Variants in DHX37 observed in about 807,000 individuals in gnomAD.
DHX37 encodes probable ATP-dependent RNA helicase DHX37.
DHX37 carries 52 observed loss-of-function variants against 134.3 expected under a neutral mutation model. That is an observed-to-expected ratio of 0.39 (90% CI 0.31 to 0.49). The LOEUF (loss-of-function observed/expected upper bound fraction) is 0.49, where lower values mean the gene tolerates loss of function less well. Among genes scored for constraint, DHX37 ranks in the 20% least tolerant of loss-of-function variants. DHX37 has a pLI of 0.93. For missense variants in DHX37, 1,344 were observed against 1,580.8 expected (o/e 0.85, Z 2.54); for synonymous variants, 634 against 670.7 (o/e 0.95, Z 0.85).
At position 124,952,427 on chromosome 12, in the gene DHX37, G is replaced by C. The variant is rs767211430; in HGVS notation, c.2839C>G (p.Leu947Val). ...TAGGCGTTCCTCCACTTGTCCTCCA[G>C]CATCTCCTCGCTCTGGACCCTGCGG... ...LARRVQSEEM[L>V]EDKWRNAYKT... Residue 947 changes from leucine to valine, a missense_variant, in exon 21 of 27, where the codon CTG becomes GTG. This residue lies in a region of DHX37 where 558 missense variants were observed against 650.0 expected (regional missense o/e 0.86). Coordinates refer to ENST00000308736, the MANE Select transcript of DHX37 (RefSeq NM_032656.4). 1 of 1,610,560 alleles carries C rather than the reference G, an allele frequency of 6.2e-7. No individual in the cohort carries two copies. The highest frequency in any genetic ancestry group is 1.3e-5 in the African/African-American group (1 of 74,884).
chr12:124,966,432 C>G (rs998277344), intron 12 of DHX37, among the ~76,000 whole-genome samples: 4 of 152,174 alleles, frequency 2.6e-5, no homozygotes, highest in Non-Finnish European at 4.4e-5. Context: ...GGGACCATCA[C>G]AGCTCATTGC....
chr12:124,948,056 C>T lies in DHX37; in HGVS notation c.3388+28G>A, dbSNP rs73419476. On this transcript the variant is annotated intron_variant, in intron 26 of 26. Coordinates refer to ENST00000308736, the MANE Select transcript of DHX37 (RefSeq NM_032656.4). The stretch of plus-strand genomic sequence containing the variant: ...CCTCAGTGACCCCATCCTGTCTACT[C>T]CCACCCCCTGGCCCTGGTCAAACTC... 8.2e-3 allele frequency: 13,260 copies of T among 1,614,210 alleles called. 984 individuals are homozygous for T. In the African/African-American group the frequency reaches 0.16, roughly 19 times the overall value.
In DHX37 at chr12:124,989,082, G is replaced by A; in HGVS notation, c.-60C>T. The A allele has an allele frequency of 8.6e-7, 1 of 1,161,922 alleles. No homozygotes were observed. The highest frequency in any genetic ancestry group is 1.1e-6 in the Non-Finnish European group (1 of 906,116). The allele number at this position is 1,161,922 out of a possible 1,614,324, so 72.0% of individuals were successfully genotyped here. On this transcript the variant is annotated 5_prime_UTR_variant, in exon 1 of 27. Transcript: ENST00000308736. Reference sequence around the variant, plus strand: ...GACCAGCAGAGCAATCCGAAACCCAGCCCACGTGGGTTCCCAGACCACCAA... The same window carrying A: ...GACCAGCAGAGCAATCCGAAACCCAACCCACGTGGGTTCCCAGACCACCAA...
Position 124,986,256 on chromosome 12 carries a change from G to T in DHX37, c.116C>A (p.Thr39Lys). 1.2e-6 allele frequency: 2 copies of T among 1,613,626 alleles called. No homozygotes were observed. The highest frequency in any genetic ancestry group is 1.7e-6 in the Non-Finnish European group (2 of 1,179,956). ...GTTGCTTGCATCAACTCCCTTCAAC[G>T]TGTCCTTGTCTGAGAGAGCACAGTT... Reference protein sequence around the residue: ...PVQLELEDKDTLKGVDASNAL... With the variant: ...PVQLELEDKDKLKGVDASNAL... The change falls in exon 2 of 27, where the codon ACG (threonine) becomes AAG (lysine). Residue 39 changes from threonine (T) to lysine (K), a missense_variant. Thr to Lys is a moderately conservative substitution (Grantham distance 78, BLOSUM62 -1). Around this residue, in one of 7 missense-constraint regions of DHX37, gnomAD observed 319 missense variants for 296.1 expected, o/e 1.08. Transcript: ENST00000308736.
At chr12:124,961,228 GCA>G (rs1206361874) in intron 15 of DHX37, among the ~76,000 whole-genome samples, 25 of 102,618 alleles carry the variant, frequency 2.4e-4, no homozygotes, top group South Asian at 8.4e-4. Flanking sequence ...GCACACGCAC[GCA>G]CACACACATA....
At chr12:124,972,703 C>A in intron 6 of DHX37, 104 bp from the exon 7 acceptor site, 1 of 1,104,000 alleles carries the variant, frequency 9.1e-7, no homozygotes, top group Non-Finnish European at 1.4e-6. Context: ...GGCTTGAGGG[C>A]AGGGCCCGCT....
Position 124,980,471 on chromosome 12 carries a change from C to T in DHX37, c.738+19G>A, listed in dbSNP as rs1208590857. The T allele has an allele frequency of 6.2e-7, 1 of 1,602,114 alleles. No homozygotes were observed. Among genetic ancestry groups the T allele is most frequent in the East Asian group, 2.2e-5 (1 of 44,676 alleles). Reference sequence around the variant, plus strand: ...GCCCGCTAACCTAGATTCTTAATCACAAACACGGGGTGGCGAACCTGCATT... The same window carrying T: ...GCCCGCTAACCTAGATTCTTAATCATAAACACGGGGTGGCGAACCTGCATT... On this transcript the variant is annotated intron_variant, in intron 4 of 26. Transcript: ENST00000308736. The surrounding 1 kb of genome is among the most constrained non-coding windows in gnomAD (Gnocchi z 5.3).
Position 124,988,931 on chromosome 12 carries a change from T to G in DHX37, c.92A>C (p.Gln31Pro). 1 of 1,334,768 alleles carries G rather than the reference T, an allele frequency of 7.5e-7. No individual in the cohort carries two copies. The highest frequency in any genetic ancestry group is 9.7e-7 in the Non-Finnish European group (1 of 1,032,686). 82.7% of individuals were successfully genotyped at this position (1,334,768 alleles called of 1,614,324 possible). The stretch of plus-strand genomic sequence containing the variant: ...GGATGTCTTACCCTCCAGTTCCAGC[T>G]GCACGGGGGGCGGCTCGGGGGGGCC... Reference protein sequence around the residue: ...SKGPPEPPPVQLELEDKDTLK... With the variant: ...SKGPPEPPPVPLELEDKDTLK... The change falls in exon 1 of 27, where the codon CAG becomes CCG. Residue 31 changes from glutamine (Q) to proline (P), a missense_variant. This residue lies in a region of DHX37 where 319 missense variants were observed against 296.1 expected (regional missense o/e 1.08). Coordinates refer to ENST00000308736, the MANE Select transcript of DHX37 (RefSeq NM_032656.4).
chr12:124,980,951 C>T lies in DHX37; in HGVS notation c.390-113G>A, dbSNP rs1013115535. ...GGGACTTTGCACCTGCTGTTCCACT[C>T]CCTGAAATGCCCTTCCTGCAGATAC... On this transcript the variant is annotated intron_variant, in intron 3 of 26. Transcript: ENST00000308736. This position sits in a 1 kb window ranked among gnomAD's most constrained non-coding sequence, Gnocchi z 5.3. 9.6e-6 allele frequency: 11 copies of T among 1,151,662 alleles called. No homozygotes were observed. In the Admixed American group the frequency reaches 3.1e-4, roughly 32 times the overall value. The allele number at this position is 1,151,662 out of a possible 1,614,324, so 71.3% of individuals were successfully genotyped here.
intron 13 of DHX37, 76 bp downstream of exon 13, chr12:124,965,592 G>A (rs1954367465): frequency 3.4e-6 from 5 of 1,464,592 alleles, no homozygotes; most frequent in South Asian, 1.6e-5. Context: ...GGCCCCCGGG[G>A]GGCCCACAAG....
intron 12 of DHX37, 140 bp from the exon 13 acceptor site, chr12:124,965,952 TTCTC>T (rs906249727): frequency 1.9e-6 from 2 of 1,063,888 alleles, no homozygotes; most frequent in African/African-American, 3.2e-5. Flanking sequence ...GGCCACATAA[TTCTC>T]TCTTCCTGCC....
In DHX37 at chr12:124,977,269, G is replaced by C. The variant is rs558551818; in HGVS notation, c.887+73C>G. 55 of 1,443,996 alleles carry C rather than the reference G, an allele frequency of 3.8e-5. No individual in the cohort carries two copies. The East Asian group carries it at 1.3e-3, about 34-fold the overall frequency. The allele number at this position is 1,443,996 out of a possible 1,614,324, so 89.4% of individuals were successfully genotyped here. A position where few individuals can be genotyped will look rare whatever the true frequency, so the allele number is the denominator to read the frequency against. ...CAGGATTGGATCCTGGGGAGCCCAG[G>C]CTCTTATCGACCTTTCAGGGCATCT... On this transcript the variant is annotated intron_variant, in intron 5 of 26. Transcript: ENST00000308736.
chr12:124,968,645 C>T lies in DHX37; in HGVS notation c.1297G>A (p.Glu433Lys). 6.2e-7 allele frequency: 1 copy of T among 1,614,058 alleles called. No individual in the cohort carries two copies. The highest frequency in any genetic ancestry group is 8.5e-7 in the Non-Finnish European group (1 of 1,180,048). The change falls in exon 10 of 27, where the codon GAA becomes AAA. Residue 433 changes from glutamate (E) to lysine (K), a missense_variant. By Grantham distance (56) the Glu-to-Lys change is moderately conservative (BLOSUM62 1). This residue lies in a region of DHX37 where 289 missense variants were observed against 323.8 expected (regional missense o/e 0.89). Coordinates refer to ENST00000308736, the MANE Select transcript of DHX37 (RefSeq NM_032656.4). ...FAKPPPVIKV[E>K]SRQFPVTVHF... is the part of the protein sequence containing the mutation. The stretch of plus-strand genomic sequence containing the variant: ...ACAGTCACTGGGAACTGCCTGGATT[C>T]CACCTGTGGGACGCCCAGGAAGGCA...
intron 21 of DHX37, among the ~76,000 whole-genome samples, chr12:124,951,281 CAAA>C (rs71092247): frequency 2.8e-4 from 36 of 130,086 alleles, no homozygotes; most frequent in African/African-American, 4.5e-4. Context: ...AACTCCTTCT[CAAA>C]AAAAAAAAAA....
chr12:124,986,354 C>G, intron 1 of DHX37, 89 bp from the exon 2 acceptor site: 2 of 1,410,604 alleles, frequency 1.4e-6, no homozygotes, highest in Non-Finnish European at 1.9e-6. Context: ...ATGGGGGCCT[C>G]CTGAGTCTGC....
chr12:124,966,605 C>G (rs145103979), intron 12 of DHX37, among the ~76,000 whole-genome samples, 188 bp downstream of exon 12: 2,415 of 152,334 alleles, frequency 0.016, 25 homozygotes, highest in South Asian at 0.025. Flanking sequence ...CTCAAGCGAT[C>G]CTCCCACCTT....
At chr12:124,954,863 T>C (rs1954060450) in intron 18 of DHX37, among the ~76,000 whole-genome samples, 1 of 152,244 alleles carries the variant, frequency 6.6e-6, no homozygotes, top group South Asian at 2.1e-4. Flanking sequence ...TGTTAACTCA[T>C]TTAATTCTAC....
chr12:124,974,424 G>A (rs1368308792), intron 6 of DHX37, among the ~76,000 whole-genome samples: 1 of 151,732 alleles, frequency 6.6e-6, no homozygotes, highest in Non-Finnish European at 1.5e-5. Context: ...GGGGCCCCCA[G>A]TACTCCATCC....
intron 1 of DHX37, among the ~76,000 whole-genome samples, chr12:124,986,892 T>C (rs1349720912): frequency 6.6e-6 from 1 of 151,346 alleles, no homozygotes; most frequent in Non-Finnish European, 1.5e-5. Context: ...ATTACAGGCA[T>C]GTACCACCAC....
Sources: allele counts gnomAD v4.1 joint callset (sites outside exome capture counted in the v4.1 genomes callset), GRCh38; gene constraint gnomAD v4.1.1; regional missense constraint gnomAD v4.1.1; non-coding constraint Gnocchi (gnomAD v3.1); transcripts MANE v1.5; gene names NCBI Gene and HGNC (gene_info 2026-07-23, HGNC 2026-07-21).